The following ADK variants were observed in gnomAD, a reference collection of about 807,000 sequenced individuals.
The protein encoded by ADK is adenosine kinase, also known as N6,N6-dimethyladenosine kinase.
A neutral mutation model predicts 44.7 loss-of-function variants in ADK; 24 were observed. The ratio of observed to expected loss-of-function variants is 0.54; its 90% CI spans 0.39 to 0.76. ADK has a LOEUF of 0.76. ADK is among the 30% of genes least tolerant of loss of function. The pLI, the probability that ADK is intolerant of heterozygous loss-of-function variation, is 0.00. For synonymous variants in ADK, 128 were observed against 142.6 expected (o/e 0.90, Z 0.73); for missense variants, 321 against 425.1 (o/e 0.76, Z 2.15).
intron 9 of ADK, among the ~76,000 whole-genome samples, chr10:74,634,289 A>G (rs1018306184): frequency 1.3e-5 from 2 of 151,620 alleles, no homozygotes; most frequent in African/African-American, 2.4e-5. Context: ...ATCTCGGCTC[A>G]CTACAAGCTC....
intron 4 of ADK, among the ~76,000 whole-genome samples, chr10:74,317,872 C>T (rs1186662740): frequency 6.6e-6 from 1 of 152,112 alleles, no homozygotes; most frequent in African/African-American, 2.4e-5. Context: ...ACCTCTGCCT[C>T]CCGGGTTCAA....
At chr10:74,162,240 C>T (rs928808509) in intron 1 of ADK, among the ~76,000 whole-genome samples, 4 of 151,558 alleles carry the variant, frequency 2.6e-5, no homozygotes, top group African/African-American at 9.7e-5. Flanking sequence ...AGGCTGGTCT[C>T]GAACTCCAGA....
At chr10:74,526,376 C>T (rs968501209) in intron 7 of ADK, among the ~76,000 whole-genome samples, 2 of 152,068 alleles carry the variant, frequency 1.3e-5, no homozygotes, top group Non-Finnish European at 2.9e-5. Context: ...CTCTTATTTA[C>T]TGTTTATACC....
chr10:74,390,153 A>G (rs1843285192), intron 4 of ADK, among the ~76,000 whole-genome samples: 2 of 152,188 alleles, frequency 1.3e-5, no homozygotes, highest in Non-Finnish European at 2.9e-5. Flanking sequence ...TAACACAGAA[A>G]TTTTCTGCTA....
intron 3 of ADK, among the ~76,000 whole-genome samples, chr10:74,232,558 C>G (rs1050317346): frequency 7.0e-6 from 1 of 142,166 alleles, no homozygotes; most frequent in Admixed American, 7.0e-5. Context: ...ACCCCCCCCC[C>G]CCAAAAAAAA....
chr10:74,530,900 G>A (rs1248134735), intron 7 of ADK, among the ~76,000 whole-genome samples: 1 of 152,182 alleles, frequency 6.6e-6, no homozygotes, highest in Non-Finnish European at 1.5e-5. Flanking sequence ...ACTCCAGCCA[G>A]TGTGATTGAG....
intron 7 of ADK, among the ~76,000 whole-genome samples, chr10:74,579,012 T>A (rs1194336713): frequency 1.3e-5 from 2 of 152,052 alleles, no homozygotes; most frequent in African/African-American, 4.8e-5. Flanking sequence ...GGCAGGTGGA[T>A]CACCTGAGAT....
chr10:74,258,890 CATAAT>C (rs896861682), intron 3 of ADK, among the ~76,000 whole-genome samples: 18 of 150,418 alleles, frequency 1.2e-4, no homozygotes, highest in East Asian at 2.0e-4. Flanking sequence ...TTAACGTATA[CATAAT>C]ATAAGAATTC....
rs1480624866 is a variant in ADK, at chr10:74,695,619, G to GGGGTGTGTGT, written c.965-12701_965-12700insGGTGTGTGTG. Among the ~76,000 whole-genome samples, 4 of 90,072 alleles carry GGGGTGTGTGT rather than the reference G, an allele frequency of 4.4e-5. 1 individual carries two copies. Among genetic ancestry groups the GGGGTGTGTGT allele is most frequent in the Admixed American group, 3.2e-4 (3 of 9,482 alleles). 59.1% of individuals were successfully genotyped at this position (90,072 alleles called of 152,430 possible). A position where few individuals can be genotyped will look rare whatever the true frequency, so the allele number is the denominator to read the frequency against. On this transcript the variant is annotated intron_variant, in intron 10 of 10. Coordinates refer to ENST00000539909, the MANE Select transcript of ADK (RefSeq NM_006721.4). The stretch of plus-strand genomic sequence containing the variant: ...TTTTACAATTCCTGTGTATGTGTGG[G>GGGGTGTGTGT]GTGTGTGTGTGTGTGTGTGTGTGTG...
chr10:74,297,556 T>TA (rs1338904982), intron 3 of ADK, among the ~76,000 whole-genome samples: 1 of 152,226 alleles, frequency 6.6e-6, no homozygotes, highest in Non-Finnish European at 1.5e-5. Context: ...ATTCATATGT[T>TA]ACCATAGGGC....
chr10:74,390,790 T>C (rs1413410555), intron 4 of ADK, among the ~76,000 whole-genome samples: 1 of 152,202 alleles, frequency 6.6e-6, no homozygotes, highest in Non-Finnish European at 1.5e-5. Context: ...ACCCAGTTGA[T>C]TGTAATATGT....
At chr10:74,505,198 TG>T (rs1021525767) in intron 6 of ADK, among the ~76,000 whole-genome samples, 2 of 152,184 alleles carry the variant, frequency 1.3e-5, no homozygotes, top group African/African-American at 4.8e-5. Context: ...TCCCTAAAAA[TG>T]TTACTCTAAA....
intron 4 of ADK, among the ~76,000 whole-genome samples, chr10:74,327,783 CTA>C (rs1841072243): frequency 6.6e-6 from 1 of 152,078 alleles, no homozygotes; most frequent in South Asian, 2.1e-4. Context: ...GTTTTGTACT[CTA>C]TCTTTCCCTT....
At chr10:74,639,034 A>G (rs1355360286) in intron 9 of ADK, among the ~76,000 whole-genome samples, 1 of 152,018 alleles carries the variant, frequency 6.6e-6, no homozygotes, top group African/African-American at 2.4e-5. Context: ...GTCTTGAACT[A>G]CTGGACTCAG....
intron 1 of ADK, among the ~76,000 whole-genome samples, chr10:74,171,714 G>C (rs563515887): frequency 1.3e-5 from 2 of 151,878 alleles, no homozygotes; most frequent in Non-Finnish European, 2.9e-5. Context: ...AAAAAAATAG[G>C]GTTGAAATAA....
intron 4 of ADK, among the ~76,000 whole-genome samples, chr10:74,343,175 C>T (rs571049383): frequency 2.0e-5 from 3 of 151,694 alleles, no homozygotes; most frequent in South Asian, 2.1e-4. Flanking sequence ...TTTTTTTTAG[C>T]GTTTTTATCT....
intron 3 of ADK, among the ~76,000 whole-genome samples, chr10:74,229,829 G>A (rs1485284098): frequency 6.6e-6 from 1 of 152,076 alleles, no homozygotes; most frequent in Non-Finnish European, 1.5e-5. Context: ...TTGAGTCTAC[G>A]AGTTGGAGAC....
intron 9 of ADK, among the ~76,000 whole-genome samples, chr10:74,658,576 C>T (rs1854578595): frequency 6.6e-6 from 1 of 152,092 alleles, no homozygotes; most frequent in South Asian, 2.1e-4. Context: ...ACTGGGACTA[C>T]AGGCACGCAC....
intron 7 of ADK, among the ~76,000 whole-genome samples, chr10:74,538,149 G>C (rs1849516326): frequency 6.6e-6 from 1 of 152,038 alleles, no homozygotes. Context: ...CAGCTGCTCA[G>C]GAGGCTGAGG....
Sources: allele counts gnomAD v4.1 joint callset (sites outside exome capture counted in the v4.1 genomes callset), GRCh38; gene constraint gnomAD v4.1.1; transcripts MANE v1.5; gene names NCBI Gene and HGNC (gene_info 2026-07-23, HGNC 2026-07-21).